Variants in DCDC1 observed in about 807,000 individuals in gnomAD.
The protein encoded by DCDC1 is doublecortin domain-containing protein 1.
A neutral mutation model predicts 178.3 loss-of-function variants in DCDC1; 200 were observed. That is an observed-to-expected ratio of 1.12 (90% CI 1.00 to 1.26). The LOEUF is 1.26. DCDC1 is among the 50% of genes most tolerant of loss of function. DCDC1 has a pLI of 0.00. For synonymous variants in DCDC1, 690 were observed against 604.8 expected, an observed-to-expected ratio of 1.14 and a Z score of -2.07; for missense variants, 1,983 against 1,749.2, an observed-to-expected ratio of 1.13 and a Z score of -2.38.
rs1357375671 is a variant in DCDC1, at chr11:31,000,335, A to C, written c.2592-47767T>G. 2.0e-5 allele frequency among the ~76,000 whole-genome samples: 3 copies of C among 152,152 alleles called. No homozygotes were observed. In the East Asian group the frequency reaches 5.8e-4, roughly 29 times the overall value. On this transcript the variant is annotated intron_variant, in intron 20 of 38. Transcript: ENST00000684477. ...ATATTTAGTCTCCTCTTCTCATTTA[A>C]GCAATTATCAGGGCTGCTATGACTC...
chr11:30,873,360 T>TAGAGAGAGAGAGAGAGAG (rs1318294592), intron 38 of DCDC1, among the ~76,000 whole-genome samples: 1 of 138,660 alleles, frequency 7.2e-6, no homozygotes, highest in African/African-American at 2.7e-5. Context: ...TATATATATA[T>TAGAGAGAGAGAGAGAGAG]ATATAGAGAG....
At chr11:31,202,798 T>C (rs1314046880) in intron 9 of DCDC1, among the ~76,000 whole-genome samples, 1 of 152,038 alleles carries the variant, frequency 6.6e-6, no homozygotes, top group African/African-American at 2.4e-5. Flanking sequence ...CTGCTCCATA[T>C]ACGGAGAGGT....
chr11:31,245,882 A>C (rs1166125137), intron 8 of DCDC1, among the ~76,000 whole-genome samples: 1 of 151,964 alleles, frequency 6.6e-6, no homozygotes, highest in Non-Finnish European at 1.5e-5. Flanking sequence ...TCTTCTATTA[A>C]AACTTTCATC....
intron 20 of DCDC1, among the ~76,000 whole-genome samples, chr11:30,953,061 T>C (rs1252029115): frequency 1.3e-5 from 2 of 151,774 alleles, no homozygotes; most frequent in African/African-American, 2.4e-5. Context: ...CACTGTAACA[T>C]GCTAATGGAG....
At chr11:31,242,837 A>G (rs1251663367) in intron 8 of DCDC1, among the ~76,000 whole-genome samples, 1 of 151,912 alleles carries the variant, frequency 6.6e-6, no homozygotes, top group African/African-American at 2.4e-5. Flanking sequence ...ATTTTATGGC[A>G]CTAAGTTCCA....
intron 38 of DCDC1, among the ~76,000 whole-genome samples, chr11:30,871,385 G>C (rs1168739458): frequency 1.3e-5 from 2 of 152,082 alleles, no homozygotes; most frequent in African/African-American, 4.8e-5. Context: ...CCTGTTTTCT[G>C]GGCTTTCCTG....
intron 8 of DCDC1, 119 bp downstream of exon 8, chr11:31,265,388 C>T (rs867210091): frequency 1.4e-5 from 6 of 421,226 alleles, no homozygotes; most frequent in South Asian, 9.3e-5. Context: ...AATATTTATC[C>T]AAGTTATAAT....
At chr11:31,008,335 C>G (rs1031839070) in intron 20 of DCDC1, among the ~76,000 whole-genome samples, 1 of 151,986 alleles carries the variant, frequency 6.6e-6, no homozygotes, top group Non-Finnish European at 1.5e-5. Context: ...AGTTTAGGGG[C>G]TGACACAAAG....
intron 13 of DCDC1, among the ~76,000 whole-genome samples, chr11:31,104,250 T>TA (rs1340523740): frequency 6.6e-6 from 1 of 152,144 alleles, no homozygotes; most frequent in Non-Finnish European, 1.5e-5. Context: ...ATTTGGAAAT[T>TA]AAAATCAAAA....
chr11:31,012,083 G>A (rs549147760), intron 20 of DCDC1, among the ~76,000 whole-genome samples: 49 of 152,180 alleles, frequency 3.2e-4, no homozygotes, highest in African/African-American at 1.1e-3. Flanking sequence ...TGCTCCAGCC[G>A]TGTAAGACAT....
chr11:31,328,421 T>G, intron 2 of DCDC1, 135 bp from the exon 3 acceptor site: 1 of 832,588 alleles, frequency 1.2e-6, no homozygotes, highest in Non-Finnish European at 1.7e-6. Flanking sequence ...AATGTGAAAT[T>G]CCCTTAGTAA....
chr11:30,920,893 T>A lies in DCDC1; in HGVS notation c.3176A>T (p.Lys1059Met). 6.2e-7 allele frequency: 1 copy of A among 1,613,046 alleles called. No individual in the cohort carries two copies. Among genetic ancestry groups the A allele is most frequent in the South Asian group, 1.1e-5 (1 of 90,860 alleles). The change falls in exon 25 of 39, where the codon AAG becomes ATG. Residue 1059 changes from lysine (K) to methionine (M), a missense_variant. Transcript: ENST00000684477. Reference protein sequence around the residue: ...EVQSDIVSGSKLAVHKPVAIF... With the variant: ...EVQSDIVSGSMLAVHKPVAIF... The stretch of plus-strand genomic sequence containing the variant: ...TGCTACAGGTTTATGCACAGCAAGC[T>A]TGCTTCCAGATACAATGTCACTTTG...
chr11:31,305,527 A>G, intron 6 of DCDC1, 88 bp downstream of exon 6: 5 of 1,503,846 alleles, frequency 3.3e-6, no homozygotes, highest in Non-Finnish European at 4.5e-6. Context: ...AACCATGCAA[A>G]AAAGACAGGA....
intron 1 of DCDC1, among the ~76,000 whole-genome samples, chr11:31,359,278 T>A (rs1264872666): frequency 4.6e-5 from 7 of 151,736 alleles, no homozygotes; most frequent in Admixed American, 1.3e-4. Flanking sequence ...GTTCACGTCC[T>A]TTGTTGTGAC....
chr11:30,984,574 C>T (rs767957884), intron 20 of DCDC1, among the ~76,000 whole-genome samples: 8 of 152,184 alleles, frequency 5.3e-5, no homozygotes, highest in African/African-American at 1.9e-4. Flanking sequence ...GTATCAGAAG[C>T]AATTCCTATT....
At chr11:31,198,519 C>T (rs1301384067) in intron 9 of DCDC1, among the ~76,000 whole-genome samples, 1 of 152,012 alleles carries the variant, frequency 6.6e-6, no homozygotes, top group African/African-American at 2.4e-5. Context: ...TTGGGGAATT[C>T]ATGGATATAG....
chr11:31,227,385 G>A (rs926949694), intron 9 of DCDC1, among the ~76,000 whole-genome samples: 4 of 152,012 alleles, frequency 2.6e-5, no homozygotes, highest in Non-Finnish European at 4.4e-5. Context: ...CAGGTCTCAC[G>A]TGAACCAACT....
At chr11:31,137,379 T>G (rs1963270704) in intron 10 of DCDC1, among the ~76,000 whole-genome samples, 1 of 145,556 alleles carries the variant, frequency 6.9e-6, no homozygotes. Context: ...TTTTACGGAG[T>G]CTCGCTGTTG....
chr11:31,203,006 A>G (rs1971467681), intron 9 of DCDC1, among the ~76,000 whole-genome samples: 2 of 152,170 alleles, frequency 1.3e-5, no homozygotes, highest in South Asian at 4.1e-4. Context: ...ACTCCCTGGG[A>G]GGCAAGCAAA....
Sources: gnomAD v4.1 joint callset for allele counts (sites outside exome capture counted in the v4.1 genomes callset) on GRCh38, gnomAD v4.1.1 for gene constraint, MANE v1.5 for transcripts, NCBI Gene and HGNC (gene_info 2026-07-23, HGNC 2026-07-21) for gene names.